Variants in FBXO21 observed in about 807,000 individuals in gnomAD.
FBXO21 encodes the protein F-box protein 21.
FBXO21 carries 32 observed loss-of-function variants against 76.6 expected under a neutral mutation model. That is an observed-to-expected ratio of 0.42 (90% CI 0.32 to 0.56). The LOEUF is 0.56. Ranked by LOEUF, FBXO21 falls within the 20% of genes least tolerant of loss-of-function variation. FBXO21 has a pLI of 0.16. For synonymous variants in FBXO21, 328 were observed against 311.5 expected (o/e 1.05, Z -0.56); for missense variants, 586 against 797.3 (o/e 0.73, Z 3.19).
chr12:117,167,188 T>TA (rs1194867656), intron 7 of FBXO21, 111 bp from the exon 8 acceptor site: 1 of 812,156 alleles, frequency 1.2e-6, no homozygotes, highest in Non-Finnish European at 2.0e-6. Context: ...CATTTCTACT[T>TA]ACAATATGAA....
chr12:117,146,295 C>T lies in FBXO21; in HGVS notation c.1676-18G>A. The T allele has an allele frequency of 1.9e-6, 3 of 1,585,218 alleles. No homozygotes were observed. The highest frequency in any genetic ancestry group is 1.8e-5 in the Admixed American group (1 of 56,792). ...CAAGTTTTCTGTTGGTAAAGAGGCA[C>T]ACGGGCATTCTCATTACAATGTCCA... On this transcript the variant is annotated intron_variant, in intron 11 of 11. Coordinates refer to ENST00000622495, the MANE Select transcript of FBXO21 (RefSeq NM_015002.3).
chr12:117,156,492 GATA>G (rs1336250217), intron 10 of FBXO21, among the ~76,000 whole-genome samples: 1 of 152,176 alleles, frequency 6.6e-6, no homozygotes. Flanking sequence ...TTCTAGATGT[GATA>G]ATAAGATGTT....
intron 8 of FBXO21, 40 bp downstream of exon 8, chr12:117,166,858 T>A: frequency 6.4e-7 from 1 of 1,573,110 alleles, no homozygotes. Context: ...TCTAAAGACA[T>A]GTGCTCTGCA....
At chr12:117,158,145 C>G (rs1020160183) in intron 9 of FBXO21, 82 bp from the exon 10 acceptor site, 1 of 1,506,448 alleles carries the variant, frequency 6.6e-7, no homozygotes, top group Non-Finnish European at 9.2e-7. Flanking sequence ...TTAGACCTAC[C>G]TACGTAACCT....
intron 3 of FBXO21, among the ~76,000 whole-genome samples, chr12:117,184,773 T>G (rs1956267031): frequency 6.6e-6 from 1 of 152,074 alleles, no homozygotes; most frequent in South Asian, 2.1e-4. Flanking sequence ...GTAAATAAAT[T>G]ATGTAACATA....
rs1955806958 is a variant in FBXO21, at chr12:117,148,747, A to G, written c.1676-2470T>C. 2.0e-5 allele frequency among the ~76,000 whole-genome samples: 3 copies of G among 152,184 alleles called. No individual in the cohort carries two copies. In the South Asian group the frequency reaches 6.2e-4, roughly 32 times the overall value. On this transcript the variant is annotated intron_variant, in intron 11 of 11. Coordinates refer to ENST00000622495, the MANE Select transcript of FBXO21 (RefSeq NM_015002.3). ...GAACCAGAAGTAAGAAAAATCCAAC[A>G]GTCAGGAGACAGCAGGCGGGGAGGG... is the stretch of plus-strand genomic sequence containing the variant.
At chr12:117,152,449 G>GAGC (rs963201117) in intron 11 of FBXO21, among the ~76,000 whole-genome samples, 1 of 147,280 alleles carries the variant, frequency 6.8e-6, no homozygotes, top group African/African-American at 2.6e-5. Context: ...CTGGGTGACA[G>GAGC]AGCACCCTGT....
chr12:117,155,567 G>A (rs1258256952), intron 11 of FBXO21: 1 of 597,938 alleles, frequency 1.7e-6, no homozygotes, highest in Non-Finnish European at 3.0e-6. Context: ...GGGAGCGGAG[G>A]CCCTGGGGGA....
At chr12:117,166,357 C>T (rs1237987071) in intron 8 of FBXO21, among the ~76,000 whole-genome samples, 2 of 152,088 alleles carry the variant, frequency 1.3e-5, no homozygotes, top group African/African-American at 2.4e-5. Flanking sequence ...GATAATGATG[C>T]GTCAGTGCAG....
Position 117,144,148 on chromosome 12 carries a change from T to C in FBXO21, c.*1939A>G, listed in dbSNP as rs1005999678. ...AAAGGTAAAACCATCTTTCTTGACT[T>C]TGATGTGTCTAAGAAAAAAGGAAAT... is the stretch of plus-strand genomic sequence containing the variant. On this transcript the variant is annotated 3_prime_UTR_variant, in exon 12 of 12. Coordinates refer to ENST00000622495, the MANE Select transcript of FBXO21 (RefSeq NM_015002.3). 2 of 152,390 alleles carry C rather than the reference T, an allele frequency of 1.3e-5. No homozygotes were observed. Among genetic ancestry groups the C allele is most frequent in the African/African-American group, 4.8e-5 (2 of 41,444 alleles). 9.4% of individuals were successfully genotyped at this position (152,390 alleles called of 1,614,324 possible).
intron 11 of FBXO21, among the ~76,000 whole-genome samples, chr12:117,150,878 T>C (rs190609945): frequency 6.8e-6 from 1 of 148,022 alleles, no homozygotes; most frequent in African/African-American, 2.5e-5. Flanking sequence ...GGACTGTGTG[T>C]GTGTGTGTGT....
intron 7 of FBXO21, among the ~76,000 whole-genome samples, chr12:117,171,213 C>G (rs1399582207): frequency 6.6e-6 from 1 of 151,776 alleles, no homozygotes; most frequent in Non-Finnish European, 1.5e-5. Flanking sequence ...AAAAATTAGC[C>G]AGGTGGTGGT....
intron 11 of FBXO21, among the ~76,000 whole-genome samples, chr12:117,147,597 CAA>C (rs57318190): frequency 2.3e-3 from 201 of 87,344 alleles, no homozygotes; most frequent in East Asian, 9.0e-3. Flanking sequence ...GACTCCATCT[CAA>C]AAAAAAAAAA....
intron 8 of FBXO21, among the ~76,000 whole-genome samples, chr12:117,166,059 G>A (rs529117529): frequency 2.6e-5 from 4 of 152,124 alleles, no homozygotes; most frequent in African/African-American, 4.8e-5. Context: ...GCGTGGTGGC[G>A]CATGCCTGTA....
intron 7 of FBXO21, among the ~76,000 whole-genome samples, chr12:117,167,685 T>C (rs1164193603): frequency 1.3e-5 from 2 of 150,212 alleles, no homozygotes; most frequent in Non-Finnish European, 3.0e-5. Flanking sequence ...AGCTTGCAGT[T>C]AGCCAAGATC....
chr12:117,155,527 A>T (rs1565996702), intron 11 of FBXO21: 1 of 548,258 alleles, frequency 1.8e-6, no homozygotes, highest in African/African-American at 1.9e-5. Context: ...TGATTGGCAT[A>T]GACAGTGGCC....
intron 4 of FBXO21, among the ~76,000 whole-genome samples, chr12:117,175,134 C>T (rs1956160693): frequency 6.6e-6 from 1 of 152,098 alleles, no homozygotes; most frequent in South Asian, 2.1e-4. Flanking sequence ...CTTCTCTCTC[C>T]CTAGCTGTTA....
intron 4 of FBXO21, 68 bp from the exon 5 acceptor site, chr12:117,174,865 C>T (rs1376649425): frequency 6.6e-7 from 1 of 1,521,446 alleles, no homozygotes; most frequent in Non-Finnish European, 9.0e-7. Flanking sequence ...TGCAATTTTA[C>T]CCTGGACATC....
chr12:117,173,631 C>T (rs930062136), intron 6 of FBXO21, among the ~76,000 whole-genome samples: 2 of 152,154 alleles, frequency 1.3e-5, no homozygotes, highest in Non-Finnish European at 2.9e-5. Context: ...TTAGTGTTCA[C>T]AAGATACAAA....
Sources: allele counts gnomAD v4.1 joint callset (sites outside exome capture counted in the v4.1 genomes callset), GRCh38; gene constraint gnomAD v4.1.1; transcripts MANE v1.5; gene names NCBI Gene and HGNC (gene_info 2026-07-23, HGNC 2026-07-21).